ARPC1A: variants seen among roughly 807,000 people sequenced by gnomAD.
The protein encoded by ARPC1A is actin related protein 2/3 complex subunit 1A.
In ARPC1A, 8 loss-of-function variants were observed where a neutral mutation model predicts 46.9. That is an observed-to-expected ratio of 0.17 (90% confidence interval 0.10 to 0.31). ARPC1A has a LOEUF of 0.31. Among genes scored for constraint, ARPC1A ranks in the 10% least tolerant of loss-of-function variants. ARPC1A has a pLI of 1.00. For missense variants in ARPC1A, 286 were observed against 483.6 expected (o/e 0.59, Z 3.83); for synonymous variants, 152 against 169.0 (o/e 0.90, Z 0.78).
At position 99,360,071 on chromosome 7, in the gene ARPC1A, A is replaced by G. The variant is rs1404090589; in HGVS notation, c.983+333A>G. 2.1e-5 allele frequency: 8 copies of G among 379,004 alleles called. 1 individual carries two copies. In the South Asian group the frequency reaches 2.3e-4, roughly 11 times the overall value. 23.5% of individuals were successfully genotyped at this position (379,004 alleles called of 1,614,324 possible). On this transcript the variant is annotated intron_variant, in intron 8 of 9. Transcript: ENST00000262942. ...GGGTACCCTTTCTCAGCTACTCGAG[A>G]ACAAAAGGAGACATTCCTGAATGCT...
At chr7:99,360,096 T>C (rs1161246536) in intron 8 of ARPC1A, 4 of 333,742 alleles carry the variant, frequency 1.2e-5, no homozygotes, top group East Asian at 1.3e-4. Context: ...TCCTGAATGC[T>C]GCGTTCCCAC....
At chr7:99,360,060 A>G (rs1793713744) in intron 8 of ARPC1A, 1 of 397,710 alleles carries the variant, frequency 2.5e-6, no homozygotes, top group East Asian at 5.0e-5. Flanking sequence ...ACCCTTTCTC[A>G]GCTACTCGAG....
chr7:99,344,254 TTGAC>T (rs780635541), intron 3 of ARPC1A, 35 bp from the exon 4 acceptor site: 4 of 1,602,580 alleles, frequency 2.5e-6, no homozygotes, highest in Admixed American at 1.7e-5. Flanking sequence ...TTGTTTGTCA[TTGAC>T]TGGGCAAAGC....
intron 3 of ARPC1A, among the ~76,000 whole-genome samples, chr7:99,343,325 G>T (rs564977017): frequency 2.6e-4 from 39 of 152,084 alleles, no homozygotes; most frequent in African/African-American, 8.7e-4. Flanking sequence ...AATTAGCCGG[G>T]CATGGTGGCA....
In ARPC1A at chr7:99,359,790, C is replaced by A. The variant is rs957837677; in HGVS notation, c.983+52C>A. ...CAGGTGACAAGGTGCCTTCCTGCCC[C>A]TCGCTGTTTCCTTACTGGGTTCCTA... On this transcript the variant is annotated intron_variant, in intron 8 of 9. Coordinates refer to ENST00000262942, the MANE Select transcript of ARPC1A (RefSeq NM_006409.4). 5.0e-6 allele frequency: 8 copies of A among 1,591,176 alleles called. No homozygotes were observed. The African/African-American group carries it at 1.1e-4, about 21-fold the overall frequency.
At chr7:99,339,357 G>A (rs1661315364) in intron 3 of ARPC1A, among the ~76,000 whole-genome samples, 1 of 152,108 alleles carries the variant, frequency 6.6e-6, no homozygotes, top group African/African-American at 2.4e-5. Flanking sequence ...AGACTAGCCT[G>A]GGCAACATAA....
At chr7:99,362,870 C>T (rs1215609060) in intron 8 of ARPC1A, among the ~76,000 whole-genome samples, 2 of 151,796 alleles carry the variant, frequency 1.3e-5, no homozygotes, top group East Asian at 1.9e-4. Flanking sequence ...TTAGCTTGGT[C>T]GGAATCTAGT....
chr7:99,338,214 A>G lies in ARPC1A; in HGVS notation c.98A>G (p.His33Arg). ...CTCAGTCCCAATAATCACGAAGTGC[A>G]CATCTATAAGAAGAACGGGAGCCAG... ...IALSPNNHEV[H>R]IYKKNGSQWV... The change falls in exon 3 of 10, where the codon CAC (histidine) becomes CGC (arginine). Residue 33 changes from histidine to arginine, a missense_variant. By Grantham distance (29) the His-to-Arg change is conservative. Transcript: ENST00000262942. 1 of 1,613,446 alleles carries G rather than the reference A, an allele frequency of 6.2e-7. No individual in the cohort carries two copies. Among genetic ancestry groups the G allele is most frequent in the South Asian group, 1.1e-5 (1 of 90,982 alleles).
rs1456217590 is a variant in ARPC1A, at chr7:99,354,006, G to T, written c.598G>T (p.Gly200Cys). 1.9e-6 allele frequency: 3 copies of T among 1,613,926 alleles called. No homozygotes were observed. In the African/African-American group the frequency reaches 4.0e-5, roughly 22 times the overall value. Residue 200 changes from glycine to cysteine, a missense_variant, in exon 6 of 10, where the codon GGC becomes TGC. Physicochemically the swap from Gly to Cys is radical, Grantham distance 159 (BLOSUM62 -3). Transcript: ENST00000262942. The stretch of plus-strand genomic sequence containing the variant: ...TGGGCAGCTGATGTCAGAGTTTGGT[G>T]GCAGTGGCACTGGTGGCTGGGTCCA... ...PFGQLMSEFG[G>C]SGTGGWVHGV...
intron 1 of ARPC1A, among the ~76,000 whole-genome samples, chr7:99,329,906 G>A (rs1793116640): frequency 6.6e-6 from 1 of 152,102 alleles, no homozygotes; most frequent in Admixed American, 6.5e-5. Context: ...CTTATCAAAT[G>A]TGGCTTTTGA....
At chr7:99,339,181 T>C (rs1469662464) in intron 3 of ARPC1A, among the ~76,000 whole-genome samples, 1 of 152,200 alleles carries the variant, frequency 6.6e-6, no homozygotes, top group Non-Finnish European at 1.5e-5. Flanking sequence ...TCCTCTCCCC[T>C]GGAAGGCAGA....
chr7:99,353,117 T>G (rs1340935096), intron 5 of ARPC1A, among the ~76,000 whole-genome samples: 53 of 30,466 alleles, frequency 1.7e-3, no homozygotes, highest in Middle Eastern at 0.013. Flanking sequence ...GTTTAGTTTA[T>G]GTTATGTTAT....
rs748305723 is a variant in ARPC1A, at chr7:99,325,988, G to A, written c.-46G>A. On this transcript the variant is annotated 5_prime_UTR_variant, in exon 1 of 10. Transcript: ENST00000262942. Reference sequence around the variant, plus strand: ...GAATCCTCCGCTCCGAGCCCGTCCGGACTCCCCCGATCCCAGGTAACGGCC... The same window carrying A: ...GAATCCTCCGCTCCGAGCCCGTCCGAACTCCCCCGATCCCAGGTAACGGCC... The A allele has an allele frequency of 1.3e-5, 2 of 152,582 alleles. No individual in the cohort carries two copies. Among genetic ancestry groups the A allele is most frequent in the East Asian group, 3.9e-4 (2 of 5,174 alleles). 9.5% of individuals were successfully genotyped at this position (152,582 alleles called of 1,614,324 possible).
chr7:99,337,232 A>C (rs943695672), intron 2 of ARPC1A, among the ~76,000 whole-genome samples: 2 of 151,730 alleles, frequency 1.3e-5, no homozygotes, highest in Non-Finnish European at 2.9e-5. Context: ...AACCAGCCTG[A>C]CCAACATGGA....
intron 8 of ARPC1A, among the ~76,000 whole-genome samples, chr7:99,361,154 T>G (rs1354177697): frequency 6.6e-6 from 1 of 152,102 alleles, no homozygotes; most frequent in African/African-American, 2.4e-5. Flanking sequence ...TGCTTCATCT[T>G]CAGCGGAGAA....
At chr7:99,365,230 C>T (rs1195045998) in intron 9 of ARPC1A, among the ~76,000 whole-genome samples, 2 of 152,008 alleles carry the variant, frequency 1.3e-5, no homozygotes, top group Non-Finnish European at 2.9e-5. Context: ...GTGGGAGAAT[C>T]GCTTGAGGCC....
intron 3 of ARPC1A, 128 bp downstream of exon 3, chr7:99,338,413 T>A: frequency 2.2e-5 from 10 of 452,686 alleles, no homozygotes; most frequent in Non-Finnish European, 3.6e-5. Context: ...TGAGAAGGAG[T>A]ATCACTCTTT....
intron 3 of ARPC1A, among the ~76,000 whole-genome samples, chr7:99,342,687 T>C (rs1439190546): frequency 1.3e-5 from 2 of 151,164 alleles, no homozygotes; most frequent in Non-Finnish European, 2.9e-5. Flanking sequence ...TGTGGGTAAA[T>C]GAATGAATAA....
At chr7:99,357,064 T>C (rs533782582) in intron 6 of ARPC1A, among the ~76,000 whole-genome samples, 1 of 152,304 alleles carries the variant, frequency 6.6e-6, no homozygotes, top group Non-Finnish European at 1.5e-5. Context: ...CTTTTAATAC[T>C]TGATAATACT....
Sources: gnomAD v4.1 joint callset for allele counts (sites outside exome capture counted in the v4.1 genomes callset) on GRCh38, gnomAD v4.1.1 for gene constraint, MANE v1.5 for transcripts, NCBI Gene and HGNC (gene_info 2026-07-23, HGNC 2026-07-21) for gene names.